The following DOCK1 variants were observed in gnomAD, a reference collection of about 807,000 sequenced individuals.
DOCK1 encodes the protein dedicator of cytokinesis 1.
DOCK1 carries 138 observed loss-of-function variants against 262.7 expected under a neutral mutation model. The observed-to-expected ratio is 0.53, with a 90% CI of 0.46 to 0.61. The LOEUF is 0.61. DOCK1 is among the 20% of genes least tolerant of loss of function. The pLI is 0.00. For synonymous variants in DOCK1, 866 were observed against 867.4 expected, an observed-to-expected ratio of 1.00 and a Z score of 0.03; for missense variants, 1,908 against 2,370.7, an observed-to-expected ratio of 0.80 and a Z score of 4.05.
chr10:127,269,385 A>G (rs1191665031), intron 29 of DOCK1, among the ~76,000 whole-genome samples: 12 of 152,300 alleles, frequency 7.9e-5, no homozygotes, highest in Non-Finnish European at 1.6e-4. Context: ...CACTTTGTAC[A>G]TGTATTGAGA....
intron 43 of DOCK1, 73 bp from the exon 44 acceptor site, chr10:127,415,079 C>A: frequency 2.2e-6 from 3 of 1,393,578 alleles, no homozygotes; most frequent in South Asian, 2.5e-5. Context: ...TTCTATAAAT[C>A]CCCCTTAGGG....
chr10:127,444,382 G>C, intron 50 of DOCK1, 103 bp downstream of exon 50: 4 of 1,380,606 alleles, frequency 2.9e-6, no homozygotes, highest in Non-Finnish European at 3.9e-6. Flanking sequence ...CCTTGCAGCA[G>C]AGGGTGGGAG....
chr10:127,365,258 A>G (rs1337229661), intron 33 of DOCK1, among the ~76,000 whole-genome samples: 1 of 152,204 alleles, frequency 6.6e-6, no homozygotes, highest in East Asian at 1.9e-4. Context: ...ATTTATTTTG[A>G]AAATTTTCCC....
intron 40 of DOCK1, 30 bp from the exon 41 acceptor site, chr10:127,409,007 G>T (rs774065336): frequency 2.6e-6 from 4 of 1,563,416 alleles, no homozygotes; most frequent in Non-Finnish European, 3.5e-6. Context: ...TTTCTCTGTG[G>T]TGTTATGAAA....
chr10:127,136,624 A>G (rs1274160383), intron 27 of DOCK1: 4 of 152,648 alleles, frequency 2.6e-5, no homozygotes, highest in African/African-American at 7.2e-5. Flanking sequence ...GAAAAAATAA[A>G]GGAACTAAGA....
chr10:126,982,248 G>A (rs964487740), intron 4 of DOCK1, among the ~76,000 whole-genome samples: 2 of 152,188 alleles, frequency 1.3e-5, no homozygotes, highest in African/African-American at 4.8e-5. Context: ...CTGGTGCTCT[G>A]TGCTTCCTCT....
intron 23 of DOCK1, among the ~76,000 whole-genome samples, chr10:127,075,333 G>A (rs1258972713): frequency 1.3e-5 from 2 of 152,038 alleles, no homozygotes; most frequent in African/African-American, 4.8e-5. Flanking sequence ...GTGCAGTGGT[G>A]CAATCTTGGC....
chr10:126,951,409 A>G (rs2036225193), intron 1 of DOCK1, among the ~76,000 whole-genome samples: 3 of 151,340 alleles, frequency 2.0e-5, no homozygotes, highest in Non-Finnish European at 4.4e-5. Context: ...TATTGCTAAT[A>G]TTAGTGATAG....
chr10:127,229,715 A>G (rs1020412424), intron 27 of DOCK1, among the ~76,000 whole-genome samples: 2 of 152,158 alleles, frequency 1.3e-5, no homozygotes, highest in South Asian at 2.1e-4. Flanking sequence ...TGTCTTCAAC[A>G]TATTGATTTC....
chr10:127,083,640 A>T (rs2047036437), intron 23 of DOCK1, among the ~76,000 whole-genome samples: 1 of 152,234 alleles, frequency 6.6e-6, no homozygotes, highest in African/African-American at 2.4e-5. Context: ...AAAAGGCTAA[A>T]TGGAAGATGA....
chr10:127,006,190 C>T (rs749048308), intron 10 of DOCK1, among the ~76,000 whole-genome samples: 29 of 152,190 alleles, frequency 1.9e-4, no homozygotes, highest in Non-Finnish European at 3.7e-4. Context: ...GTGAGCAAGT[C>T]ATCCTGATGC....
At chr10:127,320,630 C>A (rs1163124331) in intron 29 of DOCK1, among the ~76,000 whole-genome samples, 2 of 152,154 alleles carry the variant, frequency 1.3e-5, no homozygotes, top group Non-Finnish European at 2.9e-5. Flanking sequence ...TGAAACTAGA[C>A]ATGGGGAGAG....
chr10:127,309,105 C>T (rs996681831), intron 29 of DOCK1, among the ~76,000 whole-genome samples: 1 of 152,116 alleles, frequency 6.6e-6, no homozygotes. Flanking sequence ...TCTGTTGTTT[C>T]TTGACTTTTT....
At chr10:127,272,173 A>T (rs1428266501) in intron 29 of DOCK1, 1 of 152,256 alleles carries the variant, frequency 6.6e-6, no homozygotes, top group African/African-American at 2.4e-5. Context: ...AGTAAATTGA[A>T]GATACAAATT....
chr10:127,190,670 C>CT, intron 27 of DOCK1, among the ~76,000 whole-genome samples: 1 of 23,734 alleles, frequency 4.2e-5, no homozygotes, highest in African/African-American at 1.4e-4. Context: ...TATCTTCCCC[C>CT]CCCCCCCCCC....
intron 32 of DOCK1, among the ~76,000 whole-genome samples, chr10:127,359,843 A>T (rs1590676692): frequency 1.3e-5 from 2 of 151,968 alleles, no homozygotes; most frequent in East Asian, 3.9e-4. Flanking sequence ...TGCAAAGAAA[A>T]CTAAAGAATT....
chr10:126,978,967 G>A (rs932676391), intron 3 of DOCK1, among the ~76,000 whole-genome samples: 1 of 152,138 alleles, frequency 6.6e-6, no homozygotes, highest in African/African-American at 2.4e-5. Context: ...GATCCAGGGT[G>A]GTCCCTATGG....
At chr10:127,362,933 A>G (rs202197686) in intron 33 of DOCK1, among the ~76,000 whole-genome samples, 286 of 71,644 alleles carry the variant, frequency 4.0e-3, no homozygotes, top group African/African-American at 4.4e-3. Context: ...ACACATGCAC[A>G]TCCCCCCACA....
At chr10:127,236,511 T>TTTTTTG (rs1379757315) in intron 27 of DOCK1, among the ~76,000 whole-genome samples, 11 of 144,822 alleles carry the variant, frequency 7.6e-5, no homozygotes, top group Non-Finnish European at 1.5e-4. Flanking sequence ...TTTTTTTTTT[T>TTTTTTG]TTTTTTTTTT....
Sources: gnomAD v4.1 joint callset for allele counts (sites outside exome capture counted in the v4.1 genomes callset) on GRCh38, gnomAD v4.1.1 for gene constraint, MANE v1.5 for transcripts, NCBI Gene and HGNC (gene_info 2026-07-23, HGNC 2026-07-21) for gene names.